UPP2: variants seen among roughly 807,000 people sequenced by gnomAD.
UPP2 encodes the protein UPase 2.
In UPP2, 23 loss-of-function variants were observed where a neutral mutation model predicts 26.7. The ratio of observed to expected loss-of-function variants is 0.86; its 90% CI spans 0.62 to 1.22. The LOEUF (loss-of-function observed/expected upper bound fraction) is 1.22. Among genes scored for constraint, UPP2 ranks in the 50% most tolerant of loss-of-function variants. The pLI, the probability that UPP2 is intolerant of heterozygous loss-of-function variation, is 0.00. For synonymous variants in UPP2, 127 were observed against 141.3 expected (o/e 0.90, Z 0.72); for missense variants, 387 against 396.7 (o/e 0.98, Z 0.21).
intron 6 of UPP2, among the ~76,000 whole-genome samples, chr2:158,125,784 T>C (rs1222095332): frequency 6.6e-6 from 1 of 152,142 alleles, no homozygotes; most frequent in African/African-American, 2.4e-5. Flanking sequence ...GCATCTGCTT[T>C]TCTCTCTACA....
Position 158,125,855 on chromosome 2 carries a change from G to T in UPP2, c.811+1960G>T, listed in dbSNP as rs554036514. On this transcript the variant is annotated intron_variant, in intron 6 of 6. Coordinates refer to ENST00000005756, the MANE Select transcript of UPP2 (RefSeq NM_173355.4). The stretch of plus-strand genomic sequence containing the variant: ...CCTGCAGGGACACCTGGATTCAGAT[G>T]GTTCTGCTCCAGGAAATGCCTCCTC... 4.6e-5 allele frequency among the ~76,000 whole-genome samples: 7 copies of T among 152,276 alleles called. No individual in the cohort carries two copies. In the East Asian group the frequency reaches 1.3e-3, roughly 29 times the overall value.
chr2:158,055,249 G>T (rs891841290), intron 3 of UPP2, among the ~76,000 whole-genome samples: 1 of 152,144 alleles, frequency 6.6e-6, no homozygotes, highest in African/African-American at 2.4e-5. Flanking sequence ...TAATGTGCTG[G>T]TTCGGGTCTC....
At chr2:158,058,544 CT>C (rs1195810505) in intron 3 of UPP2, among the ~76,000 whole-genome samples, 2 of 151,986 alleles carry the variant, frequency 1.3e-5, no homozygotes, top group Non-Finnish European at 2.9e-5. Context: ...AACCAACCCC[CT>C]GACATTACCT....
chr2:158,107,869 G>A (rs926854426), intron 2 of UPP2, among the ~76,000 whole-genome samples: 3 of 151,956 alleles, frequency 2.0e-5, no homozygotes, highest in Non-Finnish European at 2.9e-5. Context: ...TCTATTTTGC[G>A]CTTTGTCTTC....
intron 2 of UPP2, among the ~76,000 whole-genome samples, chr2:158,007,525 T>C (rs1683510191): frequency 6.6e-6 from 1 of 152,186 alleles, no homozygotes; most frequent in African/African-American, 2.4e-5. Flanking sequence ...CATTGTGAAG[T>C]GCTCTCTGCT....
At chr2:157,997,400 A>AT (rs1330169134) in intron 2 of UPP2, among the ~76,000 whole-genome samples, 1 of 152,108 alleles carries the variant, frequency 6.6e-6, no homozygotes, top group Non-Finnish European at 1.5e-5. Flanking sequence ...GGATGTTAAT[A>AT]TTTTTTTGGA....
chr2:158,076,803 C>T (rs958797768), intron 3 of UPP2, among the ~76,000 whole-genome samples: 1 of 151,902 alleles, frequency 6.6e-6, no homozygotes, highest in Admixed American at 6.6e-5. Flanking sequence ...CAACATAGTA[C>T]TAGAAGTCCT....
At chr2:158,110,805 A>C (rs1216405364) in intron 2 of UPP2, among the ~76,000 whole-genome samples, 1 of 152,114 alleles carries the variant, frequency 6.6e-6, no homozygotes, top group South Asian at 2.1e-4. Flanking sequence ...TGGCTGCATA[A>C]ATGTCTTCTT....
At chr2:158,004,976 G>A (rs1343224358) in intron 2 of UPP2, among the ~76,000 whole-genome samples, 1 of 152,116 alleles carries the variant, frequency 6.6e-6, no homozygotes, top group East Asian at 1.9e-4. Flanking sequence ...AAAGAAGATT[G>A]TTTTGATTTA....
In UPP2 at chr2:158,065,809, A is replaced by G. The variant is rs1424931649; in HGVS notation, c.148-36231A>G. The stretch of plus-strand genomic sequence containing the variant: ...ATTGATGACTGGTTAAGTCTTGTGA[A>G]AATTAAGTTTCATAAAGAACCTCAT... On this transcript the variant is annotated intron_variant, in intron 3 of 9. Coordinates refer to the UPP2 transcript ENST00000605860. 40 of 700,912 alleles carry G rather than the reference A, an allele frequency of 5.7e-5. No homozygotes were observed. In the South Asian group the frequency reaches 5.8e-4, roughly 10 times the overall value. The allele number at this position is 700,912 out of a possible 1,614,324, so 43.4% of individuals were successfully genotyped here. A position where few individuals can be genotyped will look rare whatever the true frequency, so the allele number is the denominator to read the frequency against.
chr2:158,019,349 A>T (rs2105146981), intron 3 of UPP2, among the ~76,000 whole-genome samples: 1 of 152,184 alleles, frequency 6.6e-6, no homozygotes, highest in South Asian at 2.1e-4. Flanking sequence ...ACCTGGAGAG[A>T]TATACAGATC....
At chr2:158,094,048 T>G (rs1574286873) in intron 3 of UPP2, among the ~76,000 whole-genome samples, 1 of 151,230 alleles carries the variant, frequency 6.6e-6, no homozygotes, top group South Asian at 2.1e-4. Context: ...ATATACCATA[T>G]ACATACACAC....
chr2:158,052,105 T>G (rs1291781350), intron 3 of UPP2, among the ~76,000 whole-genome samples: 1 of 152,178 alleles, frequency 6.6e-6, no homozygotes, highest in Admixed American at 6.5e-5. Context: ...GTCCCAAATA[T>G]TATGTGGGAC....
chr2:158,117,838 C>T lies in UPP2; in HGVS notation c.354C>T (p.Ile118=). 6.2e-7 allele frequency: 1 copy of T among 1,611,408 alleles called. No homozygotes were observed. The highest frequency in any genetic ancestry group is 8.5e-7 in the Non-Finnish European group (1 of 1,177,576). ...TCTCTCAATAGCACGGCATGGGCAT[C>T]CCCTCCATTTCTATTATGCTTCATG... ...PVLAISHGMG[I]PSISIMLHEL... is the part of the protein sequence containing the mutation. Residue 118 remains isoleucine (I), a synonymous_variant, in exon 4 of 7, where the codon ATC becomes ATT. Coordinates refer to ENST00000005756, the MANE Select transcript of UPP2 (RefSeq NM_173355.4).
At chr2:158,097,660 G>A (rs1200675131), upstream of UPP2, among the ~76,000 whole-genome samples, 4 of 152,130 alleles carry the variant, frequency 2.6e-5, no homozygotes, top group Non-Finnish European at 5.9e-5. Context: ...CCTCAGCATG[G>A]GTCAGCCTCC....
rs144301110 is a variant in UPP2, at chr2:158,033,384, C to G, written c.147+17498C>G. On this transcript the variant is annotated intron_variant, in intron 3 of 9. Transcript: ENST00000605860. ...CCTGCTTTCTGCATTTAGCTGGGCT[C>G]TTAGGGAGGAAAACTGAGATGAGAC... Among the ~76,000 whole-genome samples, 603 of 152,232 alleles carry G rather than the reference C, an allele frequency of 4.0e-3. 2 individuals are homozygous for G. Among genetic ancestry groups the G allele is most frequent in the African/African-American group, 0.014 (573 of 41,536 alleles).
intron 3 of UPP2, among the ~76,000 whole-genome samples, chr2:158,060,343 G>T (rs1424733960): frequency 6.6e-6 from 1 of 152,182 alleles, no homozygotes; most frequent in African/African-American, 2.4e-5. Context: ...GGAGTGAGAT[G>T]AGATGATACA....
chr2:158,123,837 G>T lies in UPP2; in HGVS notation c.753G>T (p.Arg251Ser). Reference protein sequence around the residue: ...YLKRAFKAGVRNIEMESTVFA... With the variant: ...YLKRAFKAGVSNIEMESTVFA... ...AGAGAGCATTTAAAGCTGGTGTCAG[G>T]AATATTGAAATGGAATCTACAGTGT... Residue 251 changes from arginine (R) to serine (S), a missense_variant, in exon 6 of 7, where the codon AGG (arginine) becomes AGT (serine). Physicochemically the swap from Arg to Ser is moderately radical, Grantham distance 110 (BLOSUM62 -1). Transcript: ENST00000005756. 1 of 1,614,090 alleles carries T rather than the reference G, an allele frequency of 6.2e-7. No homozygotes were observed. The highest frequency in any genetic ancestry group is 8.5e-7 in the Non-Finnish European group (1 of 1,179,936).
chr2:158,123,305 T>C (rs780428027), intron 5 of UPP2, among the ~76,000 whole-genome samples: 3 of 152,000 alleles, frequency 2.0e-5, no homozygotes, highest in Non-Finnish European at 4.4e-5. Context: ...AGAGGCGCAA[T>C]GTCCAAACAC....
Sources: gnomAD v4.1 joint callset for allele counts (sites outside exome capture counted in the v4.1 genomes callset) on GRCh38, gnomAD v4.1.1 for gene constraint, MANE v1.5 for transcripts, NCBI Gene and HGNC (gene_info 2026-07-23, HGNC 2026-07-21) for gene names.